TULP4: variants seen among roughly 807,000 people sequenced by gnomAD.
The protein encoded by TULP4 is TUB like protein 4, also known as tubby-related protein 4.
In TULP4, 16 loss-of-function variants were observed where a neutral mutation model predicts 129.0. That is an observed-to-expected ratio of 0.12 (90% CI 0.08 to 0.19). The LOEUF is 0.19. TULP4 is among the 10% of genes least tolerant of loss of function. TULP4 has a pLI of 1.00. For synonymous variants in TULP4, 998 were observed against 854.0 expected (o/e 1.17, Z -2.94); for missense variants, 1,842 against 2,059.1 (o/e 0.89, Z 2.04).
chr6:158,237,589 C>T lies in TULP4; in HGVS notation n.68+5286C>T. On this transcript the variant is annotated intron_variant and non_coding_transcript_variant, in intron 1 of 1. Transcript: ENST00000620026. ...ATCCTTCTTTTTACCCTTCTTTCTT[C>T]CCTGGTAGAAAGAACATTCTTGCAT... The T allele has an allele frequency of 6.6e-6, 10 of 1,515,480 alleles. No individual in the cohort carries two copies. The South Asian group carries it at 1.1e-4, about 17-fold the overall frequency. The allele number at this position is 1,515,480 out of a possible 1,614,324, so 93.9% of individuals were successfully genotyped here. A position where few individuals can be genotyped will look rare whatever the true frequency, so the allele number is the denominator to read the frequency against.
At chr6:158,455,054 C>CT (rs1192705177) in intron 5 of TULP4, among the ~76,000 whole-genome samples, 1 of 63,442 alleles carries the variant, frequency 1.6e-5, no homozygotes, top group Non-Finnish European at 2.7e-5. Context: ...GCAAATTTAA[C>CT]ATTTTTTTTT....
chr6:158,311,570 A>G (rs3812099), upstream of TULP4, among the ~76,000 whole-genome samples: 131,922 of 152,184 alleles, frequency 0.87, 57,542 homozygotes, highest in Admixed American at 0.92. Context: ...ATCAGGGACG[A>G]ATGAGTTTTA....
intron 1 of TULP4, among the ~76,000 whole-genome samples, chr6:158,288,184 C>A (rs1396046355): frequency 2.0e-5 from 3 of 152,128 alleles, no homozygotes; most frequent in African/African-American, 4.8e-5. Context: ...AATGACATAA[C>A]ATTTATGAAA....
In TULP4 at chr6:158,313,520, G is replaced by A. The variant is rs1453888546; in HGVS notation, c.-497G>A. 4 of 401,850 alleles carry A rather than the reference G, an allele frequency of 1.0e-5. No homozygotes were observed. Among genetic ancestry groups the A allele is most frequent in the East Asian group, 3.6e-5 (1 of 28,148 alleles). The allele number at this position is 401,850 out of a possible 1,614,324, so 24.9% of individuals were successfully genotyped here. ...TCCTGTGTATTCTGTCTCTGCATCC[G>A]AACTTTTGAAGAGAAAAATTCGAGC... On this transcript the variant is annotated 5_prime_UTR_variant, in exon 1 of 14. Transcript: ENST00000367097.
chr6:158,279,532 G>A (rs913422542), upstream of TULP4, among the ~76,000 whole-genome samples: 1 of 152,116 alleles, frequency 6.6e-6, no homozygotes, highest in African/African-American at 2.4e-5. Flanking sequence ...TGATAGCTAT[G>A]TACATTTATG....
chr6:158,281,260 C>G (rs2128466460), upstream of TULP4, among the ~76,000 whole-genome samples: 1 of 150,250 alleles, frequency 6.7e-6, no homozygotes, highest in South Asian at 2.1e-4. Context: ...GTTGCCCAGG[C>G]TGGAGTGCAG....
chr6:158,344,477 A>G (rs1018033307), intron 1 of TULP4, among the ~76,000 whole-genome samples: 6 of 152,228 alleles, frequency 3.9e-5, no homozygotes, highest in African/African-American at 1.2e-4. Context: ...TTCACTTTAT[A>G]TCTCTGTGGT....
In TULP4 at chr6:158,242,564, G is replaced by A. The variant is rs139559974; in HGVS notation, n.68+10261G>A. ...TCTCAATTCTGTTGAGCCTGTACTC[G>A]CAATATGCCTTTTCAAAGGAGAGAG... On this transcript the variant is annotated intron_variant and non_coding_transcript_variant, in intron 1 of 1. Coordinates refer to the TULP4 transcript ENST00000620026. The A allele has an allele frequency of 1.6e-3, 1,182 of 736,548 alleles. 10 individuals are homozygous for A. In the African/African-American group the frequency reaches 0.018, roughly 11 times the overall value. The allele number at this position is 736,548 out of a possible 1,614,324, so 45.6% of individuals were successfully genotyped here.
intron 2 of TULP4, among the ~76,000 whole-genome samples, chr6:158,417,715 G>T (rs1417870083): frequency 2.0e-5 from 3 of 152,164 alleles, no homozygotes; most frequent in Non-Finnish European, 1.5e-5. Flanking sequence ...CAGAGAAAAA[G>T]ACTACTTTTT....
intron 1 of TULP4, among the ~76,000 whole-genome samples, chr6:158,293,396 C>T (rs896463426): frequency 6.6e-6 from 1 of 152,206 alleles, no homozygotes; most frequent in Non-Finnish European, 1.5e-5. Flanking sequence ...GGCAATGTGC[C>T]ATGCTCAGTA....
chr6:158,420,703 C>CA (rs1778320702), intron 2 of TULP4, among the ~76,000 whole-genome samples: 1 of 152,056 alleles, frequency 6.6e-6, no homozygotes, highest in South Asian at 2.1e-4. Flanking sequence ...AGGTGGGTCT[C>CA]AAACTCCTGA....
chr6:158,237,703 C>T (rs759256940), intron 1 of TULP4: 7 of 1,017,492 alleles, frequency 6.9e-6, no homozygotes, highest in Non-Finnish European at 1.1e-5. Flanking sequence ...ATCTCCCTTT[C>T]CTTGTTCCTT....
At chr6:158,387,950 A>G (rs1272225505) in intron 1 of TULP4, among the ~76,000 whole-genome samples, 1 of 152,202 alleles carries the variant, frequency 6.6e-6, no homozygotes, top group Non-Finnish European at 1.5e-5. Context: ...CTTAGTTTTC[A>G]TAGCTAAATT....
chr6:158,314,100 G>A lies in TULP4; in HGVS notation c.84G>A (p.Lys28=). 9 of 1,614,216 alleles carry A rather than the reference G, an allele frequency of 5.6e-6. No individual in the cohort carries two copies. Among genetic ancestry groups the A allele is most frequent in the East Asian group, 2.2e-5 (1 of 44,894 alleles). Residue 28 remains lysine, a synonymous_variant, in exon 1 of 14, where the codon AAG becomes AAA. Transcript: ENST00000367097. The stretch of plus-strand genomic sequence containing the variant: ...TGTCCTGGAAGGGGCGTGTCCCCAA[G>A]AGTGAGAAGGAGAAGCCTGTGTGCA... ...LCLSWKGRVP[K]SEKEKPVCRR...
intron 1 of TULP4, chr6:158,237,883 T>C (rs1427710776): frequency 8.1e-6 from 6 of 742,726 alleles, no homozygotes; most frequent in South Asian, 1.4e-5. Context: ...AGAAATAAAC[T>C]GTGCCAGGGT....
At chr6:158,351,561 A>G (rs1780520768) in intron 1 of TULP4, among the ~76,000 whole-genome samples, 1 of 152,128 alleles carries the variant, frequency 6.6e-6, no homozygotes, top group African/African-American at 2.4e-5. Flanking sequence ...CCTGGGAAAA[A>G]CGTAGTGGAT....
At chr6:158,399,795 A>G (rs1777801813) in intron 1 of TULP4, among the ~76,000 whole-genome samples, 1 of 152,206 alleles carries the variant, frequency 6.6e-6, no homozygotes, top group Non-Finnish European at 1.5e-5. Flanking sequence ...ATTCATACAC[A>G]TTTGTCTGAC....
chr6:158,415,780 C>T (rs1778196229), intron 2 of TULP4, among the ~76,000 whole-genome samples: 1 of 151,978 alleles, frequency 6.6e-6, no homozygotes, highest in Admixed American at 6.6e-5. Flanking sequence ...TGTTACTGCC[C>T]CTTGTGTTAG....
chr6:158,395,310 G>C (rs1397329317), intron 1 of TULP4, among the ~76,000 whole-genome samples: 1 of 152,168 alleles, frequency 6.6e-6, no homozygotes, highest in East Asian at 1.9e-4. Context: ...GCCGGGCACG[G>C]TGGCTCATGC....
Sources: gnomAD v4.1 joint callset for allele counts (sites outside exome capture counted in the v4.1 genomes callset) on GRCh38, gnomAD v4.1.1 for gene constraint, MANE v1.5 for transcripts, NCBI Gene and HGNC (gene_info 2026-07-23, HGNC 2026-07-21) for gene names.